LARGE1: variants seen among roughly 807,000 people sequenced by gnomAD.
LARGE1 encodes xylosyl- and glucuronyltransferase LARGE1.
A neutral mutation model predicts 87.6 loss-of-function variants in LARGE1; 43 were observed. That is an observed-to-expected ratio of 0.49 (90% CI 0.38 to 0.63). The LOEUF (loss-of-function observed/expected upper bound fraction) is 0.63, where lower values mean the gene tolerates loss of function less well. LARGE1 is among the 30% of genes least tolerant of loss of function. LARGE1 has a pLI of 0.00. For synonymous variants in LARGE1, 434 were observed against 394.6 expected (o/e 1.10, Z -1.18); for missense variants, 802 against 1,000.2 (o/e 0.80, Z 2.67).
intron 6 of LARGE1, among the ~76,000 whole-genome samples, chr22:33,554,588 C>T (rs113563998): frequency 0.011 from 1,684 of 152,294 alleles, 16 homozygotes; most frequent in Middle Eastern, 0.027. Flanking sequence ...CTTGCTCTGA[C>T]TCCAAGGCTA....
At chr22:33,494,538 A>T (rs1294543915) in intron 6 of LARGE1, among the ~76,000 whole-genome samples, 3 of 152,346 alleles carry the variant, frequency 2.0e-5, no homozygotes, top group Admixed American at 6.5e-5. Context: ...ATTCTATTTT[A>T]ATTGGTTAGA....
At chr22:33,529,053 A>T (rs1323593595) in intron 6 of LARGE1, among the ~76,000 whole-genome samples, 1 of 152,198 alleles carries the variant, frequency 6.6e-6, no homozygotes, top group Non-Finnish European at 1.5e-5. Flanking sequence ...CTACACGTGG[A>T]ATAGCACTTT....
the LARGE1 span, among the ~76,000 whole-genome samples, chr22:33,145,290 G>T: frequency 1.3e-5 from 2 of 152,200 alleles, no homozygotes; most frequent in Non-Finnish European, 2.9e-5. Flanking sequence ...TGCCTGCTGT[G>T]TAAAGCTCAA....
chr22:33,428,869 G>A (rs547916531), intron 7 of LARGE1, among the ~76,000 whole-genome samples: 19 of 146,840 alleles, frequency 1.3e-4, no homozygotes, highest in African/African-American at 4.8e-4. Context: ...GGCAGAGCTT[G>A]CAGTGAGCCG....
the LARGE1 span, among the ~76,000 whole-genome samples, chr22:33,096,539 GTTTT>G: frequency 1.4e-5 from 2 of 145,880 alleles, no homozygotes; most frequent in Non-Finnish European, 1.5e-5. Flanking sequence ...TTGTTCTTTT[GTTTT>G]TTGTTTGTTT....
the LARGE1 span, among the ~76,000 whole-genome samples, chr22:33,149,710 T>C: frequency 6.6e-6 from 1 of 152,222 alleles, no homozygotes; most frequent in Non-Finnish European, 1.5e-5. Context: ...TCCAGAAGAT[T>C]GCACTTCTGG....
chr22:33,658,790 T>C (rs1427312331), intron 2 of LARGE1, among the ~76,000 whole-genome samples: 2 of 152,210 alleles, frequency 1.3e-5, no homozygotes, highest in African/African-American at 4.8e-5. Context: ...TATATTCCTT[T>C]GGGTTTTCAG....
At chr22:33,230,093 C>T (rs972186897) in intron 11 of LARGE1, among the ~76,000 whole-genome samples, 44 of 144,114 alleles carry the variant, frequency 3.1e-4, no homozygotes, top group African/African-American at 1.1e-3. Flanking sequence ...CTCACTGCAA[C>T]CTCCACCTTC....
At chr22:33,603,460 C>T (rs1034880413) in intron 5 of LARGE1, among the ~76,000 whole-genome samples, 1 of 152,208 alleles carries the variant, frequency 6.6e-6, no homozygotes, top group African/African-American at 2.4e-5. Flanking sequence ...TCTCCTCCTA[C>T]CCCATTAAGA....
intron 2 of LARGE1, among the ~76,000 whole-genome samples, chr22:33,651,803 T>C (rs767936853): frequency 2.6e-5 from 4 of 152,018 alleles, no homozygotes; most frequent in Non-Finnish European, 5.9e-5. Flanking sequence ...CATCTCATGG[T>C]TTTCCCAGAA....
intron 1 of LARGE1, among the ~76,000 whole-genome samples, chr22:33,848,626 C>T (rs1323026366): frequency 6.6e-6 from 1 of 152,214 alleles, no homozygotes; most frequent in East Asian, 1.9e-4. Context: ...TCCTTGCACA[C>T]TGCCAGACAC....
chr22:33,127,146 G>T, the LARGE1 span, among the ~76,000 whole-genome samples: 1 of 152,192 alleles, frequency 6.6e-6, no homozygotes. Context: ...TCATGTGGTT[G>T]CTGGATCAAA....
intron 7 of LARGE1, among the ~76,000 whole-genome samples, chr22:33,410,983 T>A (rs1488973134): frequency 1.3e-5 from 2 of 152,202 alleles, no homozygotes; most frequent in Non-Finnish European, 2.9e-5. Context: ...GAAACCACGT[T>A]CTGAATGATG....
At chr22:33,481,384 C>T (rs1174511492) in intron 6 of LARGE1, among the ~76,000 whole-genome samples, 3 of 151,942 alleles carry the variant, frequency 2.0e-5, no homozygotes, top group Non-Finnish European at 4.4e-5. Flanking sequence ...CAGTGGAGAA[C>T]ATTCATGTCT....
intron 11 of LARGE1, among the ~76,000 whole-genome samples, chr22:33,230,387 G>A (rs1925950478): frequency 6.6e-6 from 1 of 152,160 alleles, no homozygotes; most frequent in Non-Finnish European, 1.5e-5. Flanking sequence ...TTGAAGAGCA[G>A]TGGTGAGACA....
At chr22:33,325,195 A>G (rs1440509294) in intron 10 of LARGE1, among the ~76,000 whole-genome samples, 5 of 152,228 alleles carry the variant, frequency 3.3e-5, no homozygotes, top group Non-Finnish European at 5.9e-5. Context: ...GTGACTGCAG[A>G]GGACTCAACA....
intron 11 of LARGE1, among the ~76,000 whole-genome samples, chr22:33,202,315 C>T (rs1349053157): frequency 6.6e-6 from 1 of 152,160 alleles, no homozygotes; most frequent in Non-Finnish European, 1.5e-5. Flanking sequence ...GTGCCACATT[C>T]AGCAAGAGTG....
At chr22:33,077,359 C>T in the LARGE1 span, among the ~76,000 whole-genome samples, 2,735 of 152,216 alleles carry the variant, frequency 0.018, 36 homozygotes, top group Middle Eastern at 0.065. Context: ...TCATATAGTA[C>T]TTTTGGCACT....
chr22:33,697,048 C>A (rs565618227), intron 2 of LARGE1, among the ~76,000 whole-genome samples: 1 of 151,974 alleles, frequency 6.6e-6, no homozygotes, highest in Non-Finnish European at 1.5e-5. Flanking sequence ...GTTGTGAAAC[C>A]CAGTTTCCAC....
Sources: gnomAD v4.1 joint callset for allele counts (sites outside exome capture counted in the v4.1 genomes callset) on GRCh38, gnomAD v4.1.1 for gene constraint, MANE v1.5 for transcripts, NCBI Gene and HGNC (gene_info 2026-07-23, HGNC 2026-07-21) for gene names.